The following HS3ST3A1 variants were observed in gnomAD, a reference collection of about 807,000 sequenced individuals.
HS3ST3A1 encodes heparan sulfate-glucosamine 3-sulfotransferase 3A1.
A neutral mutation model predicts 25.7 loss-of-function variants in HS3ST3A1; 19 were observed. That is an observed-to-expected ratio of 0.74 (90% CI 0.52 to 1.08). The LOEUF is 1.08. Ranked by LOEUF, HS3ST3A1 falls within the 50% of genes least tolerant of loss-of-function variation. The pLI, the probability that HS3ST3A1 is intolerant of heterozygous loss-of-function variation, is 0.00. For missense variants in HS3ST3A1, 459 were observed against 594.3 expected (o/e 0.77, Z 2.37); for synonymous variants, 226 against 278.6 (o/e 0.81, Z 1.88).
At chr17:13,511,084 G>A (rs1253000038) in intron 1 of HS3ST3A1, among the ~76,000 whole-genome samples, 1 of 152,130 alleles carries the variant, frequency 6.6e-6, no homozygotes, top group East Asian at 1.9e-4. Flanking sequence ...GTACCACTAC[G>A]AAGAAGTAAA....
chr17:13,557,730 A>G (rs973203379), intron 1 of HS3ST3A1, among the ~76,000 whole-genome samples: 1 of 152,230 alleles, frequency 6.6e-6, no homozygotes, highest in Non-Finnish European at 1.5e-5. Flanking sequence ...CTCAAGCTGC[A>G]GAGAAAAGCT....
intron 1 of HS3ST3A1, among the ~76,000 whole-genome samples, chr17:13,565,693 A>G (rs1425004041): frequency 2.6e-5 from 4 of 152,194 alleles, no homozygotes; most frequent in Non-Finnish European, 4.4e-5. Context: ...TGGATGGATG[A>G]GTGTGTTTAC....
intron 1 of HS3ST3A1, among the ~76,000 whole-genome samples, chr17:13,541,083 C>T (rs1003184034): frequency 5.9e-5 from 9 of 152,198 alleles, no homozygotes; most frequent in African/African-American, 2.2e-4. Context: ...ACTATTCCAA[C>T]TGACCCCACA....
intron 1 of HS3ST3A1, among the ~76,000 whole-genome samples, chr17:13,497,909 G>A (rs1356761173): frequency 6.6e-6 from 1 of 152,130 alleles, no homozygotes; most frequent in African/African-American, 2.4e-5. Context: ...GCATCTGCAA[G>A]GAAAAGATAC....
chr17:13,512,323 A>AT (rs765446888), intron 1 of HS3ST3A1, among the ~76,000 whole-genome samples: 1 of 151,036 alleles, frequency 6.6e-6, no homozygotes, highest in Non-Finnish European at 1.5e-5. Flanking sequence ...AAAAAAAAAA[A>AT]AAAACTGCAT....
intron 1 of HS3ST3A1, among the ~76,000 whole-genome samples, chr17:13,522,950 T>A (rs1445462611): frequency 6.6e-6 from 1 of 151,402 alleles, no homozygotes; most frequent in Non-Finnish European, 1.5e-5. Flanking sequence ...AACACAGAAG[T>A]GGAGCTTTAT....
At chr17:13,580,605 A>C (rs964858227) in intron 1 of HS3ST3A1, among the ~76,000 whole-genome samples, 1 of 152,216 alleles carries the variant, frequency 6.6e-6, no homozygotes, top group African/African-American at 2.4e-5. Context: ...CAGAACACAC[A>C]CAGTGGACCA....
In HS3ST3A1 at chr17:13,526,470, A is replaced by ATT. The variant is rs755867783; in HGVS notation, c.600-29654_600-29653dup. 3.7e-4 allele frequency among the ~76,000 whole-genome samples: 25 copies of ATT among 67,130 alleles called. No homozygotes were observed. In the South Asian group the frequency reaches 9.0e-3, roughly 24 times the overall value. The allele number at this position is 67,130 out of a possible 152,430, so 44.0% of individuals were successfully genotyped here. A position where few individuals can be genotyped will look rare whatever the true frequency, so the allele number is the denominator to read the frequency against. On this transcript the variant is annotated intron_variant, in intron 1 of 1. Coordinates refer to ENST00000284110, the MANE Select transcript of HS3ST3A1 (RefSeq NM_006042.3). ...CATATTGAACTTGGATACAACTTTA[A>ATT]TTTTTATATATATATATATATATAT...
chr17:13,516,552 T>C (rs1318252450), intron 1 of HS3ST3A1, among the ~76,000 whole-genome samples: 1 of 152,202 alleles, frequency 6.6e-6, no homozygotes, highest in Non-Finnish European at 1.5e-5. Context: ...ACCCAAGTCA[T>C]GAAGCCTTAA....
chr17:13,557,772 C>T (rs757385989), intron 1 of HS3ST3A1, among the ~76,000 whole-genome samples: 6 of 152,154 alleles, frequency 3.9e-5, no homozygotes, highest in Non-Finnish European at 7.3e-5. Context: ...GAGGAGCAGA[C>T]AGGTTGAGAT....
chr17:13,519,915 C>T (rs1381997061), intron 1 of HS3ST3A1, among the ~76,000 whole-genome samples: 3 of 152,228 alleles, frequency 2.0e-5, no homozygotes, highest in East Asian at 1.9e-4. Flanking sequence ...AGTCTTCTCC[C>T]GTGTGAAGCA....
chr17:13,511,246 C>T (rs915288834), intron 1 of HS3ST3A1, among the ~76,000 whole-genome samples: 1 of 152,208 alleles, frequency 6.6e-6, no homozygotes, highest in African/African-American at 2.4e-5. Context: ...TAAATATCCA[C>T]TCTCATATTT....
chr17:13,521,701 C>T (rs1457467631), intron 1 of HS3ST3A1, among the ~76,000 whole-genome samples: 12 of 152,142 alleles, frequency 7.9e-5, no homozygotes, highest in Non-Finnish European at 1.8e-4. Context: ...TTCATATAGA[C>T]AAAAATTGCT....
chr17:13,531,270 C>T (rs190241097), intron 1 of HS3ST3A1, among the ~76,000 whole-genome samples: 30 of 152,248 alleles, frequency 2.0e-4, no homozygotes, highest in Admixed American at 9.8e-4. Context: ...ATCAAGAACT[C>T]GGGGTTGTAT....
intron 1 of HS3ST3A1, among the ~76,000 whole-genome samples, chr17:13,525,192 T>C (rs914084947): frequency 3.9e-5 from 6 of 152,212 alleles, no homozygotes; most frequent in Admixed American, 6.5e-5. Flanking sequence ...GAAATAATGA[T>C]CACAGATTCT....
chr17:13,534,842 A>G (rs1906721873), intron 1 of HS3ST3A1, among the ~76,000 whole-genome samples: 1 of 152,020 alleles, frequency 6.6e-6, no homozygotes, highest in African/African-American at 2.4e-5. Flanking sequence ...CCTGACTAAC[A>G]TGGAGAAACC....
chr17:13,600,783 T>C lies in HS3ST3A1; in HGVS notation c.347A>G (p.Glu116Gly). 6.9e-7 allele frequency: 1 copy of C among 1,451,018 alleles called. No homozygotes were observed. Among genetic ancestry groups the C allele is most frequent in the Non-Finnish European group, 9.0e-7 (1 of 1,113,848 alleles). The allele number at this position is 1,451,018 out of a possible 1,614,324, so 89.9% of individuals were successfully genotyped here. The part of the protein sequence containing the change: ...DDGEEAAWEE[E>G]SPGLSGGPGG... ...CGGACCCCCTGACAGGCCAGGGGAC[T>C]CTTCTTCCCAGGCCGCCTCCTCGCC... The change falls in exon 1 of 2, where the codon GAG (glutamate) becomes GGG (glycine). Residue 116 changes from glutamate to glycine, a missense_variant. Coordinates refer to ENST00000284110, the MANE Select transcript of HS3ST3A1 (RefSeq NM_006042.3).
At chr17:13,530,814 G>T (rs1007650405) in intron 1 of HS3ST3A1, among the ~76,000 whole-genome samples, 1 of 152,118 alleles carries the variant, frequency 6.6e-6, no homozygotes, top group African/African-American at 2.4e-5. Flanking sequence ...TTTTCAGTGT[G>T]ACAAATGAAT....
rs192398083 is a variant in HS3ST3A1 at position 13,560,222 on chromosome 17, G to A, written c.599+40309C>T. 5.5e-3 allele frequency among the ~76,000 whole-genome samples: 780 copies of A among 142,554 alleles called. 6 individuals carry two copies. The highest frequency in any genetic ancestry group is 8.7e-3 in the Non-Finnish European group (576 of 66,464). 93.5% of individuals were successfully genotyped at this position (142,554 alleles called of 152,430 possible). On this transcript the variant is annotated intron_variant, in intron 1 of 1. Coordinates refer to ENST00000284110, the MANE Select transcript of HS3ST3A1 (RefSeq NM_006042.3). ...GGAGAATCGCTTGAACCCGAGAGGT[G>A]GAGGTTGCAGTGAGCCGAGACAGCG...
Sources: allele counts gnomAD v4.1 joint callset (sites outside exome capture counted in the v4.1 genomes callset), GRCh38; gene constraint gnomAD v4.1.1; transcripts MANE v1.5; gene names NCBI Gene and HGNC (gene_info 2026-07-23, HGNC 2026-07-21).